The following HAVCR2 variants were observed in gnomAD, a reference collection of about 807,000 sequenced individuals.
HAVCR2 encodes the protein hepatitis A virus cellular receptor 2.
In HAVCR2, 13 loss-of-function variants were observed where a neutral mutation model predicts 24.7. The ratio of observed to expected loss-of-function variants is 0.53; its 90% CI spans 0.34 to 0.84. HAVCR2 has a LOEUF of 0.84. HAVCR2 is among the 40% of genes least tolerant of loss of function. The pLI, the probability that HAVCR2 is intolerant of heterozygous loss-of-function variation, is 0.01. For missense variants in HAVCR2, 343 were observed against 371.2 expected (o/e 0.92, Z 0.62); for synonymous variants, 154 against 143.4 (o/e 1.07, Z -0.53).
intron 6 of HAVCR2, among the ~76,000 whole-genome samples, chr5:157,088,368 G>T (rs914164927): frequency 6.6e-6 from 1 of 152,194 alleles, no homozygotes; most frequent in Non-Finnish European, 1.5e-5. Flanking sequence ...GTCTATAACA[G>T]ACTAGCAGTT....
chr5:157,104,263 T>C (rs146052698), intron 3 of HAVCR2, among the ~76,000 whole-genome samples: 1 of 152,152 alleles, frequency 6.6e-6, no homozygotes, highest in Non-Finnish European at 1.5e-5. Flanking sequence ...TTATTCTAGC[T>C]AGAAGGCATC....
At chr5:157,094,544 C>T (rs1581757283) in intron 5 of HAVCR2, among the ~76,000 whole-genome samples, 1 of 151,664 alleles carries the variant, frequency 6.6e-6, no homozygotes, top group African/African-American at 2.4e-5. Context: ...CCACCACACC[C>T]GGCTAATTTT....
At chr5:157,104,360 A>G (rs1757215494) in intron 3 of HAVCR2, among the ~76,000 whole-genome samples, 1 of 152,270 alleles carries the variant, frequency 6.6e-6, no homozygotes, top group Non-Finnish European at 1.5e-5. Flanking sequence ...AGGGTCAGTC[A>G]GAAAATGTGG....
At chr5:157,105,394 G>A (rs1757233430) in intron 2 of HAVCR2, among the ~76,000 whole-genome samples, 1 of 151,974 alleles carries the variant, frequency 6.6e-6, no homozygotes, top group Non-Finnish European at 1.5e-5. Context: ...TTTAGTATCT[G>A]CCTATACTTA....
intron 4 of HAVCR2, among the ~76,000 whole-genome samples, chr5:157,098,163 T>G (rs1757119892): frequency 6.6e-6 from 1 of 151,878 alleles, no homozygotes; most frequent in East Asian, 2.0e-4. Context: ...TCTCAGCACT[T>G]TGGGAGGCCG....
At chr5:157,105,065 AT>A (rs3048394) in intron 2 of HAVCR2, 1,312 of 153,968 alleles carry the variant, frequency 8.5e-3, no homozygotes, top group South Asian at 0.025. Flanking sequence ...TAGATTTTGA[AT>A]TTTTTTTTTT....
intron 4 of HAVCR2, among the ~76,000 whole-genome samples, chr5:157,096,946 A>T (rs1317995002): frequency 6.7e-6 from 1 of 150,350 alleles, no homozygotes; most frequent in Non-Finnish European, 1.5e-5. Flanking sequence ...ACACACACAC[A>T]CACACACACA....
intron 6 of HAVCR2, among the ~76,000 whole-genome samples, chr5:157,087,956 G>T (rs1756939520): frequency 6.6e-6 from 1 of 152,026 alleles, no homozygotes; most frequent in Admixed American, 6.6e-5. Flanking sequence ...ATGGACAGAG[G>T]TTTTTGTTTT....
At chr5:157,096,360 C>G (rs1757094344) in intron 4 of HAVCR2, among the ~76,000 whole-genome samples, 2 of 151,798 alleles carry the variant, frequency 1.3e-5, no homozygotes, top group East Asian at 3.9e-4. Context: ...AATAAATGTT[C>G]AATCAATCGT....
chr5:157,102,730 T>C (rs1757185244), intron 3 of HAVCR2, among the ~76,000 whole-genome samples: 1 of 149,290 alleles, frequency 6.7e-6, no homozygotes, highest in African/African-American at 2.5e-5. Flanking sequence ...AGGTTAGGAG[T>C]TCGAGACCAG....
In HAVCR2 at chr5:157,086,967, G is replaced by C. The variant is rs1756921957; in HGVS notation, c.*135C>G. 1.4e-6 allele frequency: 1 copy of C among 715,146 alleles called. No homozygotes were observed. The highest frequency in any genetic ancestry group is 2.3e-6 in the Non-Finnish European group (1 of 433,714). 44.3% of individuals were successfully genotyped at this position (715,146 alleles called of 1,614,324 possible). On this transcript the variant is annotated 3_prime_UTR_variant, in exon 7 of 7. Transcript: ENST00000307851. ...GTGCAGGTCCCAGTTCAATTCCCAT[G>C]TGAGTCATTATCTTCTGAAAATGGG...
chr5:157,105,172 C>A (rs372519400), intron 2 of HAVCR2, among the ~76,000 whole-genome samples: 4 of 151,898 alleles, frequency 2.6e-5, no homozygotes, highest in African/African-American at 9.7e-5. Context: ...TCAAGCAATT[C>A]TCCTGCCTCA....
chr5:157,095,254 G>A, intron 5 of HAVCR2, 52 bp downstream of exon 5: 2 of 1,593,886 alleles, frequency 1.3e-6, no homozygotes, highest in African/African-American at 1.3e-5. Context: ...GTTTTTACTG[G>A]TTCTCACTGA....
chr5:157,106,728 T>C lies in HAVCR2; in HGVS notation c.293A>G (p.Glu98Gly), dbSNP rs768652236. The change falls in exon 2 of 7, where the codon GAG becomes GGG. Residue 98 changes from glutamate to glycine, a missense_variant. Physicochemically the swap from Glu to Gly is moderately conservative, Grantham distance 98. Transcript: ENST00000307851. ...CCCACTGTCTGCTAGAGTCACATTC[T>C]CTATGGTCAGGGACACATCTCCTTT... ...FRKGDVSLTI[E>G]NVTLADSGIY... is the part of the protein sequence containing the mutation. 1.2e-6 allele frequency: 2 copies of C among 1,614,248 alleles called. No homozygotes were observed. Among genetic ancestry groups the C allele is most frequent in the African/African-American group, 1.3e-5 (1 of 75,066 alleles).
At chr5:157,103,837 T>C (rs1414955988) in intron 3 of HAVCR2, among the ~76,000 whole-genome samples, 1 of 152,210 alleles carries the variant, frequency 6.6e-6, no homozygotes, top group Non-Finnish European at 1.5e-5. Flanking sequence ...TTAGAACCCA[T>C]TCCACCTGTC....
rs1199221492 is a variant in HAVCR2 at position 157,106,941 on chromosome 5, C to G, written c.80G>C (p.Arg27Thr). ...LLTRSSEVEY[R>T]AEVGQNAYLP... ...ATAGGCATTCTGACCGACCTCCGCT[C>G]TGTATTCCACTTCTGAGGACCCTGC... Residue 27 changes from arginine (R) to threonine (T), a missense_variant, in exon 2 of 7, where the codon AGA becomes ACA. Coordinates refer to ENST00000307851, the MANE Select transcript of HAVCR2 (RefSeq NM_032782.5). The G allele has an allele frequency of 3.7e-6, 6 of 1,613,472 alleles. No individual in the cohort carries two copies. The South Asian group carries it at 6.6e-5, about 18-fold the overall frequency.
rs982688767 is a variant in HAVCR2 at position 157,095,451 on chromosome 5, G to A, written c.531C>T (p.Ser177=). 46 of 1,613,816 alleles carry A rather than the reference G, an allele frequency of 2.9e-5. 3 individuals are homozygous for A. The highest frequency in any genetic ancestry group is 4.2e-6 in the Non-Finnish European group (5 of 1,179,954). The part of the protein sequence containing the change: ...SLPDINLTQI[S]TLANELRDSR... ...AGTCCCGTAACTCATTGGCCAATGT[G>A]GATATTTGCTATGGAAACACAAACA... The change falls in exon 5 of 7, where the codon TCC becomes TCT. Residue 177 remains serine, a synonymous_variant. Coordinates refer to ENST00000307851, the MANE Select transcript of HAVCR2 (RefSeq NM_032782.5).
At chr5:157,097,524 T>G (rs760850590) in intron 4 of HAVCR2, among the ~76,000 whole-genome samples, 3 of 152,156 alleles carry the variant, frequency 2.0e-5, no homozygotes, top group Non-Finnish European at 2.9e-5. Flanking sequence ...CCTCCTAAAG[T>G]GCTGGGATTA....
chr5:157,089,844 G>A (rs756375980), intron 5 of HAVCR2, among the ~76,000 whole-genome samples: 13 of 152,094 alleles, frequency 8.5e-5, no homozygotes, highest in Non-Finnish European at 1.9e-4. Flanking sequence ...CTGGGGCTAG[G>A]TCCAATAAGA....
Sources: gnomAD v4.1 joint callset for allele counts (sites outside exome capture counted in the v4.1 genomes callset) on GRCh38, gnomAD v4.1.1 for gene constraint, MANE v1.5 for transcripts, NCBI Gene and HGNC (gene_info 2026-07-23, HGNC 2026-07-21) for gene names.